The following C3orf33 variants were observed in gnomAD, a reference collection of about 807,000 sequenced individuals.
C3orf33 encodes AP-1 activity suppressor.
C3orf33 carries 23 observed loss-of-function variants against 28.7 expected under a neutral mutation model. That is an observed-to-expected ratio of 0.80 (90% confidence interval 0.58 to 1.13). C3orf33 has a LOEUF of 1.13. Ranked by LOEUF, C3orf33 falls within the 50% of genes most tolerant of loss-of-function variation. The pLI, the probability that C3orf33 is intolerant of heterozygous loss-of-function variation, is 0.00. For missense variants in C3orf33, 327 were observed against 353.4 expected, an observed-to-expected ratio of 0.93 and a Z score of 0.60; for synonymous variants, 119 against 120.5, an observed-to-expected ratio of 0.99 and a Z score of 0.08.
chr3:155,763,940 A>T, intron 4 of C3orf33, 22 bp from the exon 5 acceptor site: 1 of 1,346,808 alleles, frequency 7.4e-7, no homozygotes, highest in Non-Finnish European at 9.6e-7. Context: ...AAATAATACA[A>T]ACCAATTATT....
chr3:155,803,603 A>C (rs1201472929), intron 1 of C3orf33, among the ~76,000 whole-genome samples: 2 of 142,234 alleles, frequency 1.4e-5, no homozygotes, highest in Non-Finnish European at 3.0e-5. Context: ...GATTGAGGCC[A>C]GGTGTGGTGC....
chr3:155,772,772 C>CTGTG (rs60966459), intron 3 of C3orf33, among the ~76,000 whole-genome samples: 14,415 of 142,020 alleles, frequency 0.1, 838 homozygotes, highest in African/African-American at 0.15. Flanking sequence ...TTTTTAGGCT[C>CTGTG]TGTGTGTGTG....
intron 2 of C3orf33, among the ~76,000 whole-genome samples, chr3:155,789,682 C>T (rs557456710): frequency 1.3e-4 from 20 of 151,318 alleles, no homozygotes; most frequent in Non-Finnish European, 2.4e-4. Flanking sequence ...GAAAGAAGAA[C>T]AAAATTAGAA....
chr3:155,787,621 T>A (rs1219346318), intron 2 of C3orf33, among the ~76,000 whole-genome samples: 1 of 151,554 alleles, frequency 6.6e-6, no homozygotes, highest in Non-Finnish European at 1.5e-5. Context: ...CAAAGTGCTA[T>A]GATTACAGGC....
chr3:155,775,428 G>A (rs537882640), intron 3 of C3orf33, among the ~76,000 whole-genome samples: 24 of 151,414 alleles, frequency 1.6e-4, no homozygotes, highest in African/African-American at 5.6e-4. Context: ...GGCGGAGGTT[G>A]CAGTGAGCCG....
chr3:155,767,851 A>C (rs1457504118), intron 3 of C3orf33, among the ~76,000 whole-genome samples, 182 bp from the exon 4 acceptor site: 1 of 152,210 alleles, frequency 6.6e-6, no homozygotes, highest in Non-Finnish European at 1.5e-5. Flanking sequence ...ACAAGTATAT[A>C]TAACACAGTA....
At chr3:155,764,631 T>C (rs145088528) in intron 4 of C3orf33, among the ~76,000 whole-genome samples, 1,972 of 151,414 alleles carry the variant, frequency 0.013, 47 homozygotes, top group African/African-American at 0.045. Flanking sequence ...GGCGGGCAGA[T>C]CACAAGGTCA....
Position 155,767,631 on chromosome 3 carries a change from C to G in C3orf33, c.361G>C (p.Val121Leu), listed in dbSNP as rs770312301. The G allele has an allele frequency of 5.7e-6, 9 of 1,580,208 alleles. No individual in the cohort carries two copies. The East Asian group carries it at 2.0e-4, about 36-fold the overall frequency. Residue 121 changes from valine (V) to leucine (L), a missense_variant, in exon 4 of 5, where the codon GTA becomes CTA. By Grantham distance (32) the Val-to-Leu change is conservative. Transcript: ENST00000340171. ...GCCTTCCCAGTTTCAGCGAGTTCTACTCCAGCCAACTTAACCAGCAAAGCA... is the reference window on the plus strand; with the variant it reads ...GCCTTCCCAGTTTCAGCGAGTTCTAGTCCAGCCAACTTAACCAGCAAAGCA... ...RGALLVKLAG[V>L]ELAETGKAWL...
In C3orf33 at chr3:155,795,467, A is replaced by G. The variant is rs141401108; in HGVS notation, c.174+7065T>C. Among the ~76,000 whole-genome samples, 616 of 152,034 alleles carry G rather than the reference A, an allele frequency of 4.1e-3. 5 individuals carry two copies. Among genetic ancestry groups the G allele is most frequent in the African/African-American group, 0.014 (571 of 41,446 alleles). On this transcript the variant is annotated intron_variant, in intron 2 of 4. Transcript: ENST00000340171. ...CAAGACTTCATCTCAAAAATAAATAATTAAAAATAAAAATTTCAAAAAAAT... is the reference window on the plus strand; with the variant it reads ...CAAGACTTCATCTCAAAAATAAATAGTTAAAAATAAAAATTTCAAAAAAAT...
At chr3:155,786,237 C>G (rs1426454610) in intron 2 of C3orf33, among the ~76,000 whole-genome samples, 1 of 151,574 alleles carries the variant, frequency 6.6e-6, no homozygotes, top group Non-Finnish European at 1.5e-5. Context: ...CCACACTAAA[C>G]CCAAAGCTAG....
In C3orf33 at chr3:155,783,899, G is replaced by GT. The variant is rs536559024; in HGVS notation, c.175-8052dup. ...TATTTTAAAAATTATTAGTTTATGG[G>GT]TTTTTTTGTTTTGTTTTGTTTTGTT... On this transcript the variant is annotated intron_variant, in intron 2 of 4. Transcript: ENST00000340171. 2.1e-3 allele frequency among the ~76,000 whole-genome samples: 323 copies of GT among 150,868 alleles called. 1 individual carries two copies. Among genetic ancestry groups the GT allele is most frequent in the African/African-American group, 7.5e-3 (309 of 41,222 alleles).
In C3orf33 at chr3:155,775,749, C is replaced by T; in HGVS notation, c.274G>A (p.Glu92Lys). ...AAAGTAATAGGTATATGTTCAATTT[C>T]TAAACCATTCTCAGTTATTCGGCGT... is the stretch of plus-strand genomic sequence containing the variant. ...RLRRITENGL[E>K]IEHIPITLPI... The change falls in exon 3 of 5, where the codon GAA (glutamate) becomes AAA (lysine). Residue 92 changes from glutamate to lysine, a missense_variant. By Grantham distance (56) the Glu-to-Lys change is moderately conservative (BLOSUM62 1). Transcript: ENST00000340171. 2 of 1,590,682 alleles carry T rather than the reference C, an allele frequency of 1.3e-6. No individual in the cohort carries two copies. The highest frequency in any genetic ancestry group is 1.7e-6 in the Non-Finnish European group (2 of 1,160,454).
At chr3:155,796,851 T>C (rs768795098) in intron 2 of C3orf33, among the ~76,000 whole-genome samples, 29 of 152,182 alleles carry the variant, frequency 1.9e-4, no homozygotes, top group Non-Finnish European at 1.5e-5. Flanking sequence ...GATGCAAGGA[T>C]GGTTCAACAT....
chr3:155,774,851 C>T (rs1186173090), intron 3 of C3orf33, among the ~76,000 whole-genome samples: 1 of 151,972 alleles, frequency 6.6e-6, no homozygotes, highest in Admixed American at 6.6e-5. Flanking sequence ...AAGCATCATG[C>T]TCTTTCTCAC....
At chr3:155,793,482 T>C (rs1751377229) in intron 2 of C3orf33, among the ~76,000 whole-genome samples, 1 of 151,926 alleles carries the variant, frequency 6.6e-6, no homozygotes, top group Non-Finnish European at 1.5e-5. Context: ...TGGGATATTA[T>C]AACACTGTAA....
chr3:155,788,299 A>T (rs539206408), intron 2 of C3orf33, among the ~76,000 whole-genome samples: 32 of 152,336 alleles, frequency 2.1e-4, no homozygotes, highest in African/African-American at 7.5e-4. Context: ...ATAGAAAAAA[A>T]CCTTTGACAA....
At chr3:155,784,917 A>G (rs1012187992) in intron 2 of C3orf33, among the ~76,000 whole-genome samples, 1 of 151,848 alleles carries the variant, frequency 6.6e-6, no homozygotes, top group Non-Finnish European at 1.5e-5. Context: ...AAAGTCTCCA[A>G]TAGAAAGAGA....
intron 1 of C3orf33, among the ~76,000 whole-genome samples, chr3:155,803,383 G>A (rs942900854): frequency 3.3e-5 from 5 of 151,790 alleles, no homozygotes; most frequent in Admixed American, 6.6e-5. Flanking sequence ...GACTAAAACG[G>A]TGAAACCTCG....
chr3:155,787,300 T>C (rs1751149637), intron 2 of C3orf33, among the ~76,000 whole-genome samples: 1 of 150,608 alleles, frequency 6.6e-6, no homozygotes, highest in African/African-American at 2.4e-5. Context: ...CTGGGCTCAA[T>C]CGATCCTCCC....
Sources: allele counts gnomAD v4.1 joint callset (sites outside exome capture counted in the v4.1 genomes callset), GRCh38; gene constraint gnomAD v4.1.1; transcripts MANE v1.5; gene names NCBI Gene and HGNC (gene_info 2026-07-23, HGNC 2026-07-21).